Variants in DAB1 observed in about 807,000 individuals in gnomAD.
DAB1 encodes the protein DAB adaptor protein 1, also known as disabled homolog 1.
A neutral mutation model predicts 64.6 loss-of-function variants in DAB1; 15 were observed. The observed-to-expected ratio is 0.23, with a 90% CI of 0.16 to 0.36. The LOEUF is 0.36. Among genes scored for constraint, DAB1 ranks in the 10% least tolerant of loss-of-function variants. The probability of loss-of-function intolerance (pLI) is 1.00; values close to 1 mark genes in which losing one functional copy is unlikely to be tolerated. For synonymous variants in DAB1, 235 were observed against 251.9 expected (o/e 0.93, Z 0.64); for missense variants, 596 against 706.7 (o/e 0.84, Z 1.78).
At chr1:57,724,438 GAC>G (rs1647185094) in intron 6 of DAB1, among the ~76,000 whole-genome samples, 1 of 152,120 alleles carries the variant, frequency 6.6e-6, no homozygotes. Flanking sequence ...TGGGAAAATT[GAC>G]AGATGTAGCA....
chr1:58,111,544 T>C (rs1256516901), intron 5 of DAB1, among the ~76,000 whole-genome samples: 1 of 152,244 alleles, frequency 6.6e-6, no homozygotes, highest in Non-Finnish European at 1.5e-5. Flanking sequence ...GAGCAACTTT[T>C]AGCATTCCAC....
At position 58,006,884 on chromosome 1, in the gene DAB1, T is replaced by A. The variant is rs570260368; in HGVS notation, n.388-122722A>T. On this transcript the variant is annotated intron_variant and non_coding_transcript_variant, in intron 5 of 20. Coordinates refer to the DAB1 transcript ENST00000485760. ...CATTGTTATGCAAATGCTACACAAA[T>A]TGGAGTCTTAAATCTGGCCTTAATG... is the stretch of plus-strand genomic sequence containing the variant. 1.2e-4 allele frequency among the ~76,000 whole-genome samples: 19 copies of A among 152,354 alleles called. No homozygotes were observed. In the South Asian group the frequency reaches 3.9e-3, roughly 32 times the overall value.
intron 7 of DAB1, among the ~76,000 whole-genome samples, chr1:57,456,532 G>A (rs1050454146): frequency 2.6e-5 from 4 of 152,100 alleles, no homozygotes; most frequent in Non-Finnish European, 5.9e-5. Context: ...AAAGTTATTA[G>A]TAAATTTTAA....
intron 4 of DAB1, among the ~76,000 whole-genome samples, chr1:58,246,927 G>T (rs1364934856): frequency 6.6e-6 from 1 of 151,996 alleles, no homozygotes; most frequent in Non-Finnish European, 1.5e-5. Flanking sequence ...TGTGTGTGTT[G>T]TGTGTCACAG....
chr1:58,119,796 A>G (rs954085246), intron 5 of DAB1, among the ~76,000 whole-genome samples: 1 of 152,306 alleles, frequency 6.6e-6, no homozygotes, highest in South Asian at 2.1e-4. Context: ...TTATGAATCT[A>G]TTCAATAAGT....
intron 5 of DAB1, among the ~76,000 whole-genome samples, chr1:58,144,660 C>G (rs1351622944): frequency 6.6e-6 from 1 of 152,208 alleles, no homozygotes; most frequent in African/African-American, 2.4e-5. Context: ...AACCCAAGCT[C>G]TGACTCTACC....
chr1:57,379,127 A>G (rs1681151044), intron 1 of DAB1, among the ~76,000 whole-genome samples: 1 of 152,106 alleles, frequency 6.6e-6, no homozygotes, highest in African/African-American at 2.4e-5. Flanking sequence ...CCTAAAGATT[A>G]GAAAGAAGCG....
At chr1:58,399,149 G>C (rs1248740704) in intron 3 of DAB1, among the ~76,000 whole-genome samples, 3 of 152,206 alleles carry the variant, frequency 2.0e-5, no homozygotes, top group Admixed American at 1.3e-4. Context: ...GTCAGCATGG[G>C]AGACAGGCAT....
chr1:58,046,439 TTTG>T (rs1264782961), intron 5 of DAB1, among the ~76,000 whole-genome samples: 2 of 152,188 alleles, frequency 1.3e-5, no homozygotes, highest in African/African-American at 4.8e-5. Context: ...AACTTCTTTT[TTTG>T]TTGTTGATTT....
At chr1:57,997,130 T>A (rs1239000580) in intron 5 of DAB1, among the ~76,000 whole-genome samples, 1 of 152,016 alleles carries the variant, frequency 6.6e-6, no homozygotes, top group Non-Finnish European at 1.5e-5. Context: ...GCTTCCCAAC[T>A]TATTGGGAAG....
At chr1:57,860,414 A>C (rs983015490) in intron 1 of DAB1, 8 of 152,090 alleles carry the variant, frequency 5.3e-5, no homozygotes, top group African/African-American at 1.4e-4. Flanking sequence ...CTCCAAAGCC[A>C]TTCTCTTAAG....
At chr1:57,688,063 CA>C in intron 6 of DAB1, among the ~76,000 whole-genome samples, 1 of 151,950 alleles carries the variant, frequency 6.6e-6, no homozygotes, top group Non-Finnish European at 1.5e-5. Context: ...AATTGACAAA[CA>C]GTACCTAATT....
intron 1 of DAB1, among the ~76,000 whole-genome samples, chr1:57,318,929 G>A (rs1003424691): frequency 9.2e-5 from 14 of 151,980 alleles, no homozygotes; most frequent in Non-Finnish European, 1.5e-4. Context: ...TAAAAATATG[G>A]TCTTCCATCA....
At chr1:57,083,960 T>TGC (rs1411514715) in intron 4 of DAB1, among the ~76,000 whole-genome samples, 1 of 152,218 alleles carries the variant, frequency 6.6e-6, no homozygotes, top group Non-Finnish European at 1.5e-5. Context: ...GCTGGTAAAG[T>TGC]GCCTAGCGTT....
chr1:58,338,485 T>A (rs533828392), intron 4 of DAB1, among the ~76,000 whole-genome samples: 23 of 152,374 alleles, frequency 1.5e-4, no homozygotes, highest in African/African-American at 5.3e-4. Context: ...TGGTTCCCTA[T>A]TATTTAAGAA....
chr1:57,674,363 A>T (rs2101687951), intron 6 of DAB1, among the ~76,000 whole-genome samples: 1 of 152,304 alleles, frequency 6.6e-6, no homozygotes, highest in African/African-American at 2.4e-5. Context: ...AACTGACTTA[A>T]ATGATAAGAC....
intron 3 of DAB1, among the ~76,000 whole-genome samples, chr1:58,396,140 G>A (rs1226708382): frequency 6.6e-6 from 1 of 151,710 alleles, no homozygotes; most frequent in Admixed American, 6.6e-5. Flanking sequence ...AGGGGAGGGG[G>A]GGATGGAAAT....
At chr1:58,015,870 G>A (rs756019864) in intron 5 of DAB1, among the ~76,000 whole-genome samples, 2 of 152,112 alleles carry the variant, frequency 1.3e-5, no homozygotes, top group African/African-American at 4.8e-5. Flanking sequence ...AGATACAAAC[G>A]GAAGCTGGGA....
chr1:58,395,263 C>T (rs1355581401), intron 3 of DAB1, among the ~76,000 whole-genome samples: 2 of 152,122 alleles, frequency 1.3e-5, no homozygotes, highest in African/African-American at 4.8e-5. Context: ...GTGTGTAGAA[C>T]TAAAGACCAA....
Sources: gnomAD v4.1 joint callset for allele counts (sites outside exome capture counted in the v4.1 genomes callset) on GRCh38, gnomAD v4.1.1 for gene constraint, MANE v1.5 for transcripts, NCBI Gene and HGNC (gene_info 2026-07-23, HGNC 2026-07-21) for gene names.